CHTOP: variants seen among roughly 807,000 people sequenced by gnomAD.
CHTOP encodes chromatin target of PRMT1 protein.
In CHTOP, 18 loss-of-function variants were observed where a neutral mutation model predicts 33.6. That is an observed-to-expected ratio of 0.54 (90% CI 0.37 to 0.80). The LOEUF (loss-of-function observed/expected upper bound fraction) is 0.80. Ranked by LOEUF, CHTOP falls within the 30% of genes least tolerant of loss-of-function variation. CHTOP has a pLI of 0.00. For missense variants in CHTOP, 263 were observed against 336.8 expected (o/e 0.78, Z 1.71); for synonymous variants, 117 against 127.7 (o/e 0.92, Z 0.56).
At chr1:153,643,114 C>A in intron 4 of CHTOP, 113 bp from the exon 5 acceptor site, 2 of 1,301,594 alleles carry the variant, frequency 1.5e-6, no homozygotes, top group Non-Finnish European at 2.2e-6. Flanking sequence ...CCCCAGCCAA[C>A]CTAAAAACTA....
chr1:153,645,032 C>T (rs986311271), intron 5 of CHTOP, 32 bp from the exon 6 acceptor site: 5 of 1,482,144 alleles, frequency 3.4e-6, no homozygotes, highest in South Asian at 2.3e-5. Context: ...TTGTAACTGT[C>T]TCTTTTTTTT....
intron 1 of CHTOP, among the ~76,000 whole-genome samples, chr1:153,635,778 C>T (rs1571312900): frequency 1.3e-5 from 2 of 151,506 alleles, no homozygotes; most frequent in Middle Eastern, 3.4e-3. Flanking sequence ...ACTGAGATCA[C>T]GCCTCTGCAC....
chr1:153,641,531 A>G (rs1330438751), intron 3 of CHTOP, among the ~76,000 whole-genome samples: 1 of 152,170 alleles, frequency 6.6e-6, no homozygotes, highest in East Asian at 1.9e-4. Context: ...CATTTGAGTT[A>G]CATGTTTATT....
At chr1:153,640,702 C>T (rs1018114341) in intron 3 of CHTOP, among the ~76,000 whole-genome samples, 3 of 152,082 alleles carry the variant, frequency 2.0e-5, no homozygotes, top group African/African-American at 4.8e-5. Context: ...ACCTGGGAGA[C>T]GAAGGTTGCA....
chr1:153,643,047 G>A, intron 4 of CHTOP, 180 bp from the exon 5 acceptor site: 1 of 698,228 alleles, frequency 1.4e-6, no homozygotes, highest in Admixed American at 2.3e-5. Flanking sequence ...TTTGTGGTCA[G>A]ACTTGTTGAA....
intron 5 of CHTOP, 24 bp from the exon 6 acceptor site, chr1:153,645,040 T>TC (rs1476067419): frequency 6.3e-7 from 1 of 1,591,638 alleles, no homozygotes; most frequent in Non-Finnish European, 8.5e-7. Flanking sequence ...GTCTCTTTTT[T>TC]TTTTTTTTTC....
intron 1 of CHTOP, among the ~76,000 whole-genome samples, chr1:153,634,910 A>G (rs908221541): frequency 1.3e-5 from 2 of 150,858 alleles, no homozygotes; most frequent in Admixed American, 6.6e-5. Context: ...CTGGAGTGCA[A>G]TGGCACGATC....
At chr1:153,635,189 T>C (rs865809562) in intron 1 of CHTOP, among the ~76,000 whole-genome samples, 2 of 151,474 alleles carry the variant, frequency 1.3e-5, no homozygotes, top group African/African-American at 2.4e-5. Flanking sequence ...TTCTCAACTT[T>C]AGCTGCACAT....
Position 153,635,821 on chromosome 1 carries a change from C to CA in CHTOP, c.-17-737dup, listed in dbSNP as rs1162341045. Among the ~76,000 whole-genome samples, 1,038 of 111,062 alleles carry CA rather than the reference C, an allele frequency of 9.3e-3. 3 individuals carry two copies. The highest frequency in any genetic ancestry group is 0.029 in the African/African-American group (869 of 29,800). 72.9% of individuals were successfully genotyped at this position (111,062 alleles called of 152,430 possible). A position where few individuals can be genotyped will look rare whatever the true frequency, so the allele number is the denominator to read the frequency against. Reference sequence around the variant, plus strand: ...TGGGCGACAGAGCCAGACTCTGTCTCAAAAAAAAAAAAAAGCCAGACTCCA... The same window carrying CA: ...TGGGCGACAGAGCCAGACTCTGTCTCAAAAAAAAAAAAAAAGCCAGACTCCA... On this transcript the variant is annotated intron_variant, in intron 1 of 5. Transcript: ENST00000368694.
chr1:153,638,519 G>A, intron 3 of CHTOP, 71 bp downstream of exon 3: 1 of 1,552,150 alleles, frequency 6.4e-7, no homozygotes, highest in Non-Finnish European at 8.9e-7. Context: ...GAGGCTGTCA[G>A]GACGTGATGG....
chr1:153,643,023 CT>C, intron 4 of CHTOP: 1 of 614,212 alleles, frequency 1.6e-6, no homozygotes, highest in African/African-American at 1.9e-5. Context: ...TAACTCCCAA[CT>C]TCCAAAAATG....
chr1:153,635,367 G>T (rs1242898665), intron 1 of CHTOP, among the ~76,000 whole-genome samples: 2 of 150,626 alleles, frequency 1.3e-5, no homozygotes, highest in Non-Finnish European at 3.0e-5. Context: ...GCCCAGGCTG[G>T]TCTCGAGCTC....
chr1:153,640,631 G>A (rs1668587548), intron 3 of CHTOP, among the ~76,000 whole-genome samples: 1 of 152,030 alleles, frequency 6.6e-6, no homozygotes, highest in South Asian at 2.1e-4. Flanking sequence ...AATAAGCCAG[G>A]CGTGATGACA....
In CHTOP at chr1:153,642,400, C is replaced by T. The variant is rs1668659210; in HGVS notation, c.374C>T (p.Thr125Ile). The stretch of plus-strand genomic sequence containing the variant: ...CTACGTGGGGGACGTGCCACCAGAA[C>T]CCTACTTAGGGGCGGGATGTCACTC... ...GGLRGGRATRTLLRGGMSLRG... is the reference protein window; with the variant it reads ...GGLRGGRATRILLRGGMSLRG... Residue 125 changes from threonine to isoleucine, a missense_variant, in exon 4 of 6, where the codon ACC becomes ATC. By Grantham distance (89) the Thr-to-Ile change is moderately conservative. Around this residue, in one of 3 missense-constraint regions of CHTOP, gnomAD observed 168 missense variants for 179.9 expected, o/e 0.93. Transcript: ENST00000368694. 6.2e-7 allele frequency: 1 copy of T among 1,613,936 alleles called. No individual in the cohort carries two copies. The highest frequency in any genetic ancestry group is 8.5e-7 in the Non-Finnish European group (1 of 1,179,860).
rs913922854 is a variant in CHTOP at position 153,638,328 on chromosome 1, G to T, written c.99G>T (p.Thr33=). 3 of 1,614,104 alleles carry T rather than the reference G, an allele frequency of 1.9e-6. No homozygotes were observed. In the African/African-American group the frequency reaches 4.0e-5, roughly 22 times the overall value. Residue 33 remains threonine (T), a synonymous_variant, in exon 3 of 6, where the codon ACG becomes ACT. Transcript: ENST00000368694. The part of the protein sequence containing the change: ...FTNMLKNKQP[T]PVNIRASMQQ... ...ATATGCTGAAGAACAAACAGCCGAC[G>T]CCAGTGAATATTCGGGCTTCGATGC...
intron 2 of CHTOP, 69 bp from the exon 3 acceptor site, chr1:153,638,226 C>T: frequency 6.4e-7 from 1 of 1,552,576 alleles, no homozygotes; most frequent in Non-Finnish European, 8.9e-7. Flanking sequence ...GTCTAGCAAG[C>T]CATGAAAATG....
At chr1:153,638,956 C>T (rs1045638267) in intron 3 of CHTOP, among the ~76,000 whole-genome samples, 5 of 151,194 alleles carry the variant, frequency 3.3e-5, no homozygotes, top group African/African-American at 7.3e-5. Context: ...TCTCGGCTCA[C>T]TGCAAGCTCC....
intron 3 of CHTOP, among the ~76,000 whole-genome samples, chr1:153,642,014 A>C (rs1668642846): frequency 6.6e-6 from 1 of 152,198 alleles, no homozygotes; most frequent in Non-Finnish European, 1.5e-5. Flanking sequence ...ATTTCATGGG[A>C]CCACACTTGA....
At chr1:153,640,463 T>G (rs1050392161) in intron 3 of CHTOP, among the ~76,000 whole-genome samples, 13 of 151,830 alleles carry the variant, frequency 8.6e-5, no homozygotes, top group Non-Finnish European at 1.5e-4. Flanking sequence ...TGAGACTCTG[T>G]CTCAAGAAAA....
Sources: gnomAD v4.1 joint callset for allele counts (sites outside exome capture counted in the v4.1 genomes callset) on GRCh38, gnomAD v4.1.1 for gene constraint, gnomAD v4.1.1 regional missense constraint, MANE v1.5 for transcripts, NCBI Gene and HGNC (gene_info 2026-07-23, HGNC 2026-07-21) for gene names.